Variants in ARID2 observed in about 807,000 individuals in gnomAD.
ARID2 encodes AT-rich interaction domain 2, also known as AT-rich interactive domain-containing protein 2.
ARID2 carries 32 observed loss-of-function variants against 184.6 expected under a neutral mutation model. That is an observed-to-expected ratio of 0.17 (90% CI 0.13 to 0.23). The LOEUF (loss-of-function observed/expected upper bound fraction) is 0.23, where lower values mean the gene tolerates loss of function less well. Ranked by LOEUF, ARID2 falls within the 10% of genes least tolerant of loss-of-function variation. The probability of loss-of-function intolerance (pLI) is 1.00; values close to 1 mark genes in which losing one functional copy is unlikely to be tolerated. For synonymous variants in ARID2, 836 were observed against 772.6 expected (o/e 1.08, Z -1.36); for missense variants, 1,696 against 2,197.6 (o/e 0.77, Z 4.56).
intron 3 of ARID2, among the ~76,000 whole-genome samples, chr12:45,794,650 A>C (rs1377932019): frequency 6.6e-6 from 1 of 152,094 alleles, no homozygotes; most frequent in Non-Finnish European, 1.5e-5. Flanking sequence ...TCTTTTTTGT[A>C]ATGGTGTTAC....
intron 6 of ARID2, among the ~76,000 whole-genome samples, chr12:45,823,326 C>G (rs954104850): frequency 6.6e-6 from 1 of 151,846 alleles, no homozygotes; most frequent in East Asian, 1.9e-4. Flanking sequence ...AAGCTTATAG[C>G]AATATATGCC....
At chr12:45,858,728 G>C (rs376794975) in intron 15 of ARID2, among the ~76,000 whole-genome samples, 1 of 152,242 alleles carries the variant, frequency 6.6e-6, no homozygotes, top group Middle Eastern at 3.4e-3. Flanking sequence ...AGGTTAAGTC[G>C]GTAGCCCAAG....
chr12:45,778,735 CATATA>C (rs1388660960), intron 3 of ARID2, among the ~76,000 whole-genome samples: 1 of 151,766 alleles, frequency 6.6e-6, no homozygotes, highest in African/African-American at 2.4e-5. Context: ...CTTCAAAAAT[CATATA>C]ATATTTTATG....
At chr12:45,844,861 A>G (rs1943413777) in intron 11 of ARID2, among the ~76,000 whole-genome samples, 1 of 152,228 alleles carries the variant, frequency 6.6e-6, no homozygotes, top group South Asian at 2.1e-4. Flanking sequence ...ATAATCCTGC[A>G]GAGCTATCAA....
intron 3 of ARID2, among the ~76,000 whole-genome samples, chr12:45,733,468 A>G (rs1264040350): frequency 6.6e-6 from 1 of 152,250 alleles, no homozygotes; most frequent in Non-Finnish European, 1.5e-5. Context: ...GCTACGTCAG[A>G]TTGAATATCA....
At chr12:45,868,568 T>G (rs1345023549) in intron 16 of ARID2, among the ~76,000 whole-genome samples, 1 of 152,250 alleles carries the variant, frequency 6.6e-6, no homozygotes, top group African/African-American at 2.4e-5. Flanking sequence ...GAAAGACCTT[T>G]TCAACTTTTA....
chr12:45,892,974 A>G (rs1406315993), intron 18 of ARID2, among the ~76,000 whole-genome samples: 1 of 152,210 alleles, frequency 6.6e-6, no homozygotes, highest in African/African-American at 2.4e-5. Flanking sequence ...TTGGATGACC[A>G]GTGTCAGTAC....
intron 10 of ARID2, 45 bp downstream of exon 10, chr12:45,837,752 G>A (rs1592109237): frequency 6.4e-7 from 1 of 1,572,770 alleles, no homozygotes; most frequent in African/African-American, 1.3e-5. Context: ...TTGAGTAAAA[G>A]TGTTTAATAT....
In ARID2 at chr12:45,851,442, G is replaced by T. The variant is rs529386166; in HGVS notation, c.3319G>T (p.Ala1107Ser). 3.7e-6 allele frequency: 6 copies of T among 1,613,964 alleles called. No homozygotes were observed. Among genetic ancestry groups the T allele is most frequent in the Non-Finnish European group, 5.1e-6 (6 of 1,179,992 alleles). Residue 1107 changes from alanine to serine, a missense_variant, in exon 15 of 21, where the codon GCA (alanine) becomes TCA (serine). By Grantham distance (99) the Ala-to-Ser change is moderately conservative. Around this residue, in one of 11 missense-constraint regions of ARID2, gnomAD observed 713 missense variants for 824.4 expected, o/e 0.86. Transcript: ENST00000334344. ...CTATCAGGTGGCCAGTAACCAAGCC[G>T]CAGGTTTTGGAGTGCAGGGGCAAAC... Reference protein sequence around the residue: ...VVYQVASNQAAGFGVQGQTPA... With the variant: ...VVYQVASNQASGFGVQGQTPA...
rs757368105 is a variant in ARID2, at chr12:45,850,813, C to T, written c.2690C>T (p.Ala897Val). ...TCAAGGGTAGGGTTTCAGAACATTG[C>T]ACCAAAACCTCTCCCTTCTCAGCAA... ...QASRVGFQNI[A>V]PKPLPSQQVS... is the part of the protein sequence containing the mutation. The change falls in exon 15 of 21, where the codon GCA becomes GTA. Residue 897 changes from alanine to valine, a missense_variant. This residue lies in a region of ARID2 where 713 missense variants were observed against 824.4 expected (regional missense o/e 0.86). Coordinates refer to ENST00000334344, the MANE Select transcript of ARID2 (RefSeq NM_152641.4). The T allele has an allele frequency of 1.2e-6, 2 of 1,614,102 alleles. No individual in the cohort carries two copies. The highest frequency in any genetic ancestry group is 2.2e-5 in the South Asian group (2 of 91,082).
intron 16 of ARID2, among the ~76,000 whole-genome samples, chr12:45,863,838 T>G (rs1943790998): frequency 7.9e-6 from 1 of 127,048 alleles, no homozygotes; most frequent in African/African-American, 2.9e-5. Context: ...CTTTTTCTTT[T>G]TCTTTCCCTT....
chr12:45,887,390 G>A (rs1944210962), intron 16 of ARID2, among the ~76,000 whole-genome samples: 1 of 152,130 alleles, frequency 6.6e-6, no homozygotes, highest in African/African-American at 2.4e-5. Flanking sequence ...AAAGTAGCAG[G>A]ATCAAAGAAA....
intron 15 of ARID2, among the ~76,000 whole-genome samples, chr12:45,853,386 T>A (rs1943591251): frequency 6.6e-6 from 1 of 152,220 alleles, no homozygotes; most frequent in Admixed American, 6.5e-5. Context: ...ATTGCATTAG[T>A]CTCCTTTAGT....
intron 16 of ARID2, among the ~76,000 whole-genome samples, chr12:45,886,731 G>T (rs117174159): frequency 6.6e-6 from 1 of 152,170 alleles, no homozygotes; most frequent in Non-Finnish European, 1.5e-5. Context: ...TCAACACCAC[G>T]TGAAAGCTGC....
At chr12:45,811,621 T>A (rs919979618) in intron 4 of ARID2, 70 bp downstream of exon 4, 1 of 1,543,280 alleles carries the variant, frequency 6.5e-7, no homozygotes, top group Non-Finnish European at 8.8e-7. Context: ...CATCATCCAA[T>A]GAGTTAGTCC....
Position 45,905,283 on chromosome 12 carries a change from GAAAA to G in ARID2, c.*214_*217del. ...TTTAAAAAAATCTAAAAAGAAAAAG[GAAAA>G]AAAAAAAAGAACTGCTGTGGGATTG... is the stretch of plus-strand genomic sequence containing the variant. On this transcript the variant is annotated 3_prime_UTR_variant, in exon 21 of 21. Transcript: ENST00000334344. 2.8e-6 allele frequency: 1 copy of G among 351,766 alleles called. No individual in the cohort carries two copies. The highest frequency in any genetic ancestry group is 4.9e-6 in the Non-Finnish European group (1 of 204,784). The allele number at this position is 351,766 out of a possible 1,614,324, so 21.8% of individuals were successfully genotyped here.
At chr12:45,853,655 C>T (rs1033505745) in intron 15 of ARID2, among the ~76,000 whole-genome samples, 1 of 152,326 alleles carries the variant, frequency 6.6e-6, no homozygotes. Flanking sequence ...TCTTAACAGT[C>T]GTCACCACCT....
At chr12:45,860,173 A>T (rs1943718832) in intron 15 of ARID2, among the ~76,000 whole-genome samples, 2 of 152,248 alleles carry the variant, frequency 1.3e-5, no homozygotes, top group African/African-American at 4.8e-5. Context: ...GTGAGCTATG[A>T]TTATGCCTCT....
chr12:45,792,804 A>T (rs867860269), intron 3 of ARID2, among the ~76,000 whole-genome samples: 4 of 152,128 alleles, frequency 2.6e-5, no homozygotes, highest in African/African-American at 9.7e-5. Context: ...TTTATCTTTA[A>T]TAGAGGTTTT....
Sources: gnomAD v4.1 joint callset for allele counts (sites outside exome capture counted in the v4.1 genomes callset) on GRCh38, gnomAD v4.1.1 for gene constraint, gnomAD v4.1.1 regional missense constraint, MANE v1.5 for transcripts, NCBI Gene and HGNC (gene_info 2026-07-23, HGNC 2026-07-21) for gene names.